The following METTL15 variants were observed in gnomAD, a reference collection of about 807,000 sequenced individuals.
METTL15 encodes 12S rRNA N(4)-cytidine methyltransferase METTL15.
Under a neutral mutation model 38.3 loss-of-function variants are expected in METTL15, and 34 were observed. The observed-to-expected ratio is 0.89, with a 90% CI of 0.68 to 1.18. The LOEUF (loss-of-function observed/expected upper bound fraction) is 1.18. Ranked by LOEUF, METTL15 falls within the 50% of genes most tolerant of loss-of-function variation. The pLI, the probability that METTL15 is intolerant of heterozygous loss-of-function variation, is 0.00. For synonymous variants in METTL15, 162 were observed against 170.9 expected (o/e 0.95, Z 0.41); for missense variants, 438 against 498.4 (o/e 0.88, Z 1.15).
intron 6 of METTL15, among the ~76,000 whole-genome samples, chr11:28,305,603 C>G (rs1051205102): frequency 6.6e-6 from 1 of 152,046 alleles, no homozygotes; most frequent in Non-Finnish European, 1.5e-5. Flanking sequence ...TTCTAGATCC[C>G]TTTCTTATGA....
At chr11:28,457,137 C>A (rs1226539684) in intron 6 of METTL15, among the ~76,000 whole-genome samples, 1 of 152,078 alleles carries the variant, frequency 6.6e-6, no homozygotes, top group African/African-American at 2.4e-5. Context: ...TATCAAAGTT[C>A]TTGGGTTCTA....
At chr11:28,258,626 GGCAGAGGA>G (rs935131143) in intron 4 of METTL15, among the ~76,000 whole-genome samples, 25 of 152,238 alleles carry the variant, frequency 1.6e-4, no homozygotes, top group Non-Finnish European at 3.1e-4. Flanking sequence ...CCTTTCCAAA[GGCAGAGGA>G]GCCTCACTCC....
At chr11:28,451,449 G>A (rs1437520954) in intron 6 of METTL15, among the ~76,000 whole-genome samples, 2 of 152,056 alleles carry the variant, frequency 1.3e-5, no homozygotes, top group Non-Finnish European at 1.5e-5. Context: ...GCCAGGCGTG[G>A]TGGCGGGCAC....
At chr11:28,404,900 T>C (rs1349320510) in intron 5 of METTL15, among the ~76,000 whole-genome samples, 1 of 152,086 alleles carries the variant, frequency 6.6e-6, no homozygotes, top group Non-Finnish European at 1.5e-5. Flanking sequence ...TTATTAAAAA[T>C]ACTGTGAATC....
At chr11:28,515,564 C>T (rs1194256982) in intron 6 of METTL15, among the ~76,000 whole-genome samples, 1 of 152,164 alleles carries the variant, frequency 6.6e-6, no homozygotes, top group Non-Finnish European at 1.5e-5. Flanking sequence ...GTAAATAAAA[C>T]TTTATTAAAA....
At chr11:28,456,348 T>G (rs945859779) in intron 6 of METTL15, among the ~76,000 whole-genome samples, 4 of 152,144 alleles carry the variant, frequency 2.6e-5, no homozygotes, top group African/African-American at 9.7e-5. Flanking sequence ...AAGCAACACT[T>G]GAGCTTCTCT....
intron 6 of METTL15, among the ~76,000 whole-genome samples, chr11:28,461,789 A>T (rs1407173088): frequency 6.6e-6 from 1 of 152,124 alleles, no homozygotes; most frequent in Non-Finnish European, 1.5e-5. Context: ...ACATGTATAT[A>T]TTATGTAGTG....
intron 3 of METTL15, among the ~76,000 whole-genome samples, chr11:28,190,372 T>C (rs1046595151): frequency 2.8e-4 from 43 of 151,306 alleles, no homozygotes; most frequent in Non-Finnish European, 5.9e-5. Context: ...TTTTGTCTAC[T>C]CTTTGGATGT....
At chr11:28,114,328 T>C (rs1222028237) in intron 3 of METTL15, among the ~76,000 whole-genome samples, 5 of 152,240 alleles carry the variant, frequency 3.3e-5, no homozygotes, top group Non-Finnish European at 7.3e-5. Context: ...TTTTTATTGC[T>C]GAATCATTGC....
chr11:28,113,228 C>A, intron 2 of METTL15, 90 bp from the exon 3 acceptor site: 1 of 868,630 alleles, frequency 1.2e-6, no homozygotes, highest in Non-Finnish European at 1.7e-6. Flanking sequence ...TTTTGATGTG[C>A]TAAATATTGC....
intron 4 of METTL15, among the ~76,000 whole-genome samples, chr11:28,259,763 G>A (rs1451122105): frequency 6.6e-6 from 1 of 152,162 alleles, no homozygotes; most frequent in Non-Finnish European, 1.5e-5. Context: ...CCTCCTCAGT[G>A]CCTCTTTCAG....
At chr11:28,505,149 AC>A (rs1033336483) in intron 6 of METTL15, among the ~76,000 whole-genome samples, 4 of 152,162 alleles carry the variant, frequency 2.6e-5, no homozygotes, top group African/African-American at 9.7e-5. Context: ...TTTTGAAGGA[AC>A]TGGGAAAAAG....
chr11:28,370,303 CA>C (rs1167617164), intron 5 of METTL15, among the ~76,000 whole-genome samples: 1 of 102,812 alleles, frequency 9.7e-6, no homozygotes, highest in East Asian at 2.4e-4. Context: ...TGAGTGAGAA[CA>C]TGCAATATTT....
intron 5 of METTL15, among the ~76,000 whole-genome samples, chr11:28,386,616 CG>C (rs1288567964): frequency 1.3e-5 from 2 of 151,784 alleles, no homozygotes; most frequent in African/African-American, 4.8e-5. Flanking sequence ...AATGATAACA[CG>C]TTAATATTAG....
chr11:28,526,198 G>C (rs1037069518), intron 6 of METTL15, among the ~76,000 whole-genome samples: 4 of 152,146 alleles, frequency 2.6e-5, no homozygotes, highest in African/African-American at 9.7e-5. Flanking sequence ...GAGGGAGCCG[G>C]CTTCAGCCTC....
intron 5 of METTL15, among the ~76,000 whole-genome samples, chr11:28,401,171 T>C (rs932658608): frequency 6.6e-6 from 1 of 151,978 alleles, no homozygotes; most frequent in Non-Finnish European, 1.5e-5. Context: ...GAGAGTGCCA[T>C]GTTTGTGGTT....
At chr11:28,153,672 T>C (rs1211534214) in intron 3 of METTL15, among the ~76,000 whole-genome samples, 2 of 152,186 alleles carry the variant, frequency 1.3e-5, no homozygotes, top group Non-Finnish European at 2.9e-5. Flanking sequence ...ACTTAAGTTT[T>C]GTTTGAGTGA....
chr11:28,517,549 C>T (rs1266325848), intron 6 of METTL15, among the ~76,000 whole-genome samples: 1 of 152,150 alleles, frequency 6.6e-6, no homozygotes, highest in African/African-American at 2.4e-5. Flanking sequence ...TTAAAAATAA[C>T]AGCTTTCTGT....
intron 5 of METTL15, among the ~76,000 whole-genome samples, chr11:28,375,990 T>A (rs1458554292): frequency 1.3e-5 from 2 of 152,222 alleles, no homozygotes; most frequent in Non-Finnish European, 2.9e-5. Context: ...AGTAAGATTC[T>A]TAATCCTAAG....
Sources: gnomAD v4.1 joint callset for allele counts (sites outside exome capture counted in the v4.1 genomes callset) on GRCh38, gnomAD v4.1.1 for gene constraint, MANE v1.5 for transcripts, NCBI Gene and HGNC (gene_info 2026-07-23, HGNC 2026-07-21) for gene names.